ULK4: variants seen among roughly 807,000 people sequenced by gnomAD.
ULK4 encodes unc-51 like kinase 4, also known as inactive serine/threonine-protein kinase ULK4.
ULK4 carries 133 observed loss-of-function variants against 160.6 expected under a neutral mutation model. The observed-to-expected ratio is 0.83, with a 90% confidence interval of 0.72 to 0.96. The LOEUF (loss-of-function observed/expected upper bound fraction) is 0.96, where lower values mean the gene tolerates loss of function less well. Ranked by LOEUF, ULK4 falls within the 40% of genes least tolerant of loss-of-function variation. The pLI, the probability that ULK4 is intolerant of heterozygous loss-of-function variation, is 0.00. For synonymous variants in ULK4, 534 were observed against 539.8 expected (o/e 0.99, Z 0.15); for missense variants, 1,580 against 1,499.5 (o/e 1.05, Z -0.89).
rs147732245 is a variant in ULK4 at position 41,681,753 on chromosome 3, C to G, written c.2833G>C (p.Val945Leu). The G allele has an allele frequency of 2.3e-5, 37 of 1,614,018 alleles. No homozygotes were observed. In the African/African-American group the frequency reaches 4.7e-4, roughly 20 times the overall value. ...PLVSLVQSQNVEWRLFSLRLL... is the reference protein window; with the variant it reads ...PLVSLVQSQNLEWRLFSLRLL... ...TTCTTGCTGGTGTCATCACACTTAC[C>G]ATTTTGGCTTTGAACCAAGGACACC... is the stretch of plus-strand genomic sequence containing the variant. The change falls in exon 28 of 37, where the codon GTG becomes CTG. Residue 945 changes from valine to leucine, a missense_variant and splice_region_variant. By Grantham distance (32) the Val-to-Leu change is conservative. Coordinates refer to ENST00000301831, the MANE Select transcript of ULK4 (RefSeq NM_017886.4).
chr3:41,602,291 G>GAAAGC (rs2032129461), intron 31 of ULK4, among the ~76,000 whole-genome samples: 1 of 126,432 alleles, frequency 7.9e-6, no homozygotes, highest in South Asian at 2.5e-4. Flanking sequence ...GAAAGGAAAG[G>GAAAGC]AAAGGAAAGG....
chr3:41,319,728 A>G (rs982787793), intron 35 of ULK4, among the ~76,000 whole-genome samples: 4 of 152,232 alleles, frequency 2.6e-5, no homozygotes, highest in African/African-American at 9.6e-5. Flanking sequence ...TGTAATCCTC[A>G]TAAGAACTAC....
intron 22 of ULK4, among the ~76,000 whole-genome samples, chr3:41,718,099 C>T (rs1427608797): frequency 6.6e-6 from 1 of 152,036 alleles, no homozygotes; most frequent in Non-Finnish European, 1.5e-5. Flanking sequence ...TTTGCCTTGG[C>T]GAATGGAAAC....
At chr3:41,576,904 T>G (rs1308924959) in intron 31 of ULK4, among the ~76,000 whole-genome samples, 1 of 152,202 alleles carries the variant, frequency 6.6e-6, no homozygotes, top group Admixed American at 6.5e-5. Context: ...AAAAGATAAC[T>G]GCTCACAAAC....
At chr3:41,630,540 T>C (rs181267495) in intron 30 of ULK4, among the ~76,000 whole-genome samples, 74 of 152,334 alleles carry the variant, frequency 4.9e-4, no homozygotes, top group African/African-American at 1.7e-3. Context: ...TAAAGGGCTC[T>C]TACGATTGGT....
At chr3:41,718,649 A>AGGC (rs750875841) in intron 22 of ULK4, among the ~76,000 whole-genome samples, 20 of 152,278 alleles carry the variant, frequency 1.3e-4, no homozygotes, top group Non-Finnish European at 2.4e-4. Context: ...AGGCCCTGTA[A>AGGC]GGCAGTCTCC....
chr3:41,654,779 AAAAG>A lies in ULK4; in HGVS notation c.3071+8824_3071+8827del, dbSNP rs2034868908. ...CACTGGAACACAAGCTACAGTTACA[AAAAG>A]AAGAAAGGGCAAGTTAAAAACAGAT... On this transcript the variant is annotated intron_variant, in intron 30 of 36. Transcript: ENST00000301831. Among the ~76,000 whole-genome samples, 5 of 152,344 alleles carry A rather than the reference AAAAG, an allele frequency of 3.3e-5. No homozygotes were observed. The South Asian group carries it at 1.0e-3, about 32-fold the overall frequency.
chr3:41,907,952 C>A lies in ULK4; in HGVS notation c.1086-11G>T. On this transcript the variant is annotated splice_polypyrimidine_tract_variant and intron_variant, in intron 11 of 36. Transcript: ENST00000301831. ...GGAGTAGGACGAGAACTGAAAAATA[C>A]AAACCAGTTAACATTATTCAATTCC... 6.3e-7 allele frequency: 1 copy of A among 1,578,382 alleles called. No homozygotes were observed. Among genetic ancestry groups the A allele is most frequent in the Admixed American group, 1.8e-5 (1 of 54,890 alleles).
Position 41,470,018 on chromosome 3 carries a change from GAAAAAAAAAAA to G in ULK4, c.3227-6776_3227-6766del, listed in dbSNP as rs71094650. 3.4e-3 allele frequency among the ~76,000 whole-genome samples: 157 copies of G among 45,980 alleles called. 2 individuals carry two copies. In the Middle Eastern group the frequency reaches 0.062, roughly 18 times the overall value. The allele number at this position is 45,980 out of a possible 152,430, so 30.2% of individuals were successfully genotyped here. ...GAGGAATTCAAGAAGAAACAGAACAGAAAAAAAAAAAAAAAAAAAAAAAAAAAACAAAGTAT... is the reference window on the plus strand; with the variant it reads ...GAGGAATTCAAGAAGAAACAGAACAGAAAAAAAAAAAAAAAAACAAAGTAT... On this transcript the variant is annotated intron_variant, in intron 32 of 36. Coordinates refer to ENST00000301831, the MANE Select transcript of ULK4 (RefSeq NM_017886.4).
chr3:41,413,637 G>A (rs1389166775), intron 34 of ULK4, among the ~76,000 whole-genome samples: 1 of 152,016 alleles, frequency 6.6e-6, no homozygotes, highest in Non-Finnish European at 1.5e-5. Flanking sequence ...CCATGGAACC[G>A]TCTTTTTTGT....
chr3:41,337,518 C>T (rs1230467531), intron 35 of ULK4, among the ~76,000 whole-genome samples: 1 of 152,124 alleles, frequency 6.6e-6, no homozygotes, highest in Non-Finnish European at 1.5e-5. Context: ...AGGAAAAACA[C>T]GCAGGTATGT....
chr3:41,567,247 C>T (rs923752693), intron 31 of ULK4, among the ~76,000 whole-genome samples: 1 of 152,004 alleles, frequency 6.6e-6, no homozygotes, highest in Admixed American at 6.6e-5. Context: ...ACAAAGTCCC[C>T]TATCCTCACA....
chr3:41,621,319 C>T (rs754872801), intron 30 of ULK4, among the ~76,000 whole-genome samples: 35 of 152,178 alleles, frequency 2.3e-4, no homozygotes, highest in Middle Eastern at 3.4e-3. Flanking sequence ...CAATCCTAAG[C>T]AAAAAGAACA....
chr3:41,719,516 T>C (rs1466944512), intron 22 of ULK4, among the ~76,000 whole-genome samples: 2 of 152,202 alleles, frequency 1.3e-5, no homozygotes, highest in African/African-American at 4.8e-5. Flanking sequence ...TATCCTACTG[T>C]ATAGTATCAC....
chr3:41,560,952 G>A (rs982645919), intron 32 of ULK4, among the ~76,000 whole-genome samples: 4 of 152,198 alleles, frequency 2.6e-5, no homozygotes, highest in African/African-American at 9.7e-5. Context: ...AGTTTTCAAA[G>A]GGAATGCTTC....
intron 29 of ULK4, 80 bp downstream of exon 29, chr3:41,681,428 C>T: frequency 2.5e-6 from 4 of 1,577,332 alleles, no homozygotes; most frequent in Non-Finnish European, 3.4e-6. Context: ...AGACCCCAAC[C>T]CCATCACTGA....
chr3:41,731,296 A>C (rs992627955), intron 22 of ULK4, among the ~76,000 whole-genome samples: 1 of 151,962 alleles, frequency 6.6e-6, no homozygotes, highest in African/African-American at 2.4e-5. Flanking sequence ...CCACCAAAAA[A>C]CTCTTACAAA....
intron 34 of ULK4, among the ~76,000 whole-genome samples, chr3:41,435,576 A>G (rs1255501012): frequency 6.6e-6 from 1 of 152,244 alleles, no homozygotes; most frequent in African/African-American, 2.4e-5. Flanking sequence ...TGAACTGAGT[A>G]TGCATACAAT....
intron 17 of ULK4, among the ~76,000 whole-genome samples, chr3:41,872,125 G>A (rs1717018): frequency 0.31 from 47,339 of 151,918 alleles, 10,763 homozygotes; most frequent in African/African-American, 0.65. Context: ...CTTAGTCCCG[G>A]TACAGGACGC....
Sources: allele counts gnomAD v4.1 joint callset (sites outside exome capture counted in the v4.1 genomes callset), GRCh38; gene constraint gnomAD v4.1.1; transcripts MANE v1.5; gene names NCBI Gene and HGNC (gene_info 2026-07-23, HGNC 2026-07-21).